Variants in FRMPD4 observed in about 807,000 individuals in gnomAD.
FRMPD4 encodes the protein FERM and PDZ domain containing 4.
FRMPD4 carries 22 observed loss-of-function variants against 94.1 expected under a neutral mutation model. That is an observed-to-expected ratio of 0.23 (90% CI 0.17 to 0.33). The LOEUF is 0.33. FRMPD4 is among the 10% of genes least tolerant of loss of function. The pLI, the probability that FRMPD4 is intolerant of heterozygous loss-of-function variation, is 1.00. For synonymous variants in FRMPD4, 631 were observed against 548.6 expected (o/e 1.15, Z -2.10); for missense variants, 1,111 against 1,339.9 (o/e 0.83, Z 2.67).
intron 3 of FRMPD4, among the ~76,000 whole-genome samples, chrX:11,999,959 G>T (rs1479870471): frequency 1.8e-5 from 2 of 111,886 alleles, no homozygotes; most frequent in Non-Finnish European, 3.8e-5. Flanking sequence ...ACCATGAAAA[G>T]ATTTTCTGTG....
At chrX:11,832,526 G>A in intron 1 of FRMPD4, among the ~76,000 whole-genome samples, 1 of 111,427 alleles carries the variant, frequency 9.0e-6, no homozygotes. Flanking sequence ...AGAGTCAATG[G>A]TCTCTTGATA....
chrX:12,368,005 C>A (rs1260621670), intron 1 of FRMPD4, among the ~76,000 whole-genome samples: 1 of 111,983 alleles, frequency 8.9e-6, no homozygotes, highest in African/African-American at 3.2e-5. Context: ...TCCTGCATGA[C>A]CTTAGCATCT....
intron 3 of FRMPD4, among the ~76,000 whole-genome samples, chrX:11,903,395 A>G (rs1308782841): frequency 8.9e-6 from 1 of 112,638 alleles, no homozygotes; most frequent in African/African-American, 3.2e-5. Context: ...TACAGTTTTA[A>G]TTCCTTGAGC....
At chrX:12,226,590 G>A (rs944030380) in intron 1 of FRMPD4, among the ~76,000 whole-genome samples, 16 of 111,159 alleles carry the variant, frequency 1.4e-4, no homozygotes, top group Non-Finnish European at 2.3e-4. Context: ...CAGAAGACAC[G>A]ATACCTGTGT....
intron 1 of FRMPD4, among the ~76,000 whole-genome samples, chrX:12,490,360 G>A (rs1027399509): frequency 1.3e-4 from 14 of 110,565 alleles, no homozygotes; most frequent in Non-Finnish European, 2.1e-4. Flanking sequence ...GAACTTTGGG[G>A]GACACGCTCA....
intron 1 of FRMPD4, among the ~76,000 whole-genome samples, chrX:12,482,120 C>T (rs1035964604): frequency 9.1e-6 from 1 of 109,757 alleles, no homozygotes; most frequent in Admixed American, 9.8e-5. Context: ...GTCTTGCTGT[C>T]TCAGGGGTGG....
At chrX:12,640,634 T>C (rs1273706000) in intron 4 of FRMPD4, among the ~76,000 whole-genome samples, 3 of 112,220 alleles carry the variant, frequency 2.7e-5, no homozygotes, top group African/African-American at 9.7e-5. Flanking sequence ...CCTATTATGA[T>C]GGTTATTTCA....
At chrX:11,948,625 C>A (rs1601851604) in intron 3 of FRMPD4, among the ~76,000 whole-genome samples, 2 of 111,064 alleles carry the variant, frequency 1.8e-5, no homozygotes. Context: ...GGGGAAGGGC[C>A]TGACCTAGCA....
intron 1 of FRMPD4, among the ~76,000 whole-genome samples, chrX:12,307,076 G>A (rs749050738): frequency 8.9e-6 from 1 of 112,484 alleles, no homozygotes; most frequent in Non-Finnish European, 1.9e-5. Flanking sequence ...ATGGAGGACA[G>A]GGATGGGTGA....
intron 3 of FRMPD4, among the ~76,000 whole-genome samples, chrX:12,124,602 A>G (rs1265253368): frequency 1.8e-5 from 2 of 112,958 alleles, no homozygotes; most frequent in African/African-American, 3.2e-5. Flanking sequence ...ATGTATATGA[A>G]TCAAATCACA....
At chrX:11,902,121 T>C (rs190726073) in intron 3 of FRMPD4, among the ~76,000 whole-genome samples, 3 of 112,731 alleles carry the variant, frequency 2.7e-5, no homozygotes, top group African/African-American at 9.7e-5. Flanking sequence ...TATAGGTCAG[T>C]TTCAGGTCTG....
At chrX:12,372,200 A>G (rs1418367918) in intron 1 of FRMPD4, among the ~76,000 whole-genome samples, 2 of 112,420 alleles carry the variant, frequency 1.8e-5, no homozygotes, top group Non-Finnish European at 3.8e-5. Context: ...TCCTGTCTCT[A>G]TAGTCAATTT....
intron 14 of FRMPD4, among the ~76,000 whole-genome samples, chrX:12,714,895 A>C (rs2042051303): frequency 8.9e-6 from 1 of 112,483 alleles, no homozygotes; most frequent in Non-Finnish European, 1.9e-5. Context: ...TCAAAATTAT[A>C]TCTCTTATTG....
At position 12,683,535 on chromosome X, in the gene FRMPD4, A is replaced by C; in HGVS notation, c.521A>C (p.Asn174Thr). Reference protein sequence around the residue: ...SAAKKARLKSNPVKVRFSEEV... With the variant: ...SAAKKARLKSTPVKVRFSEEV... ...GCAAAAAAGGCAAGATTAAAGTCCAATCCTGTCAAAGTACGCTTCTCTGAG... is the reference window on the plus strand; with the variant it reads ...GCAAAAAAGGCAAGATTAAAGTCCACTCCTGTCAAAGTACGCTTCTCTGAG... Residue 174 changes from asparagine to threonine, a missense_variant, in exon 6 of 17, where the codon AAT (asparagine) becomes ACT (threonine). Physicochemically the swap from Asn to Thr is moderately conservative, Grantham distance 65. Coordinates refer to ENST00000675598, the MANE Select transcript of FRMPD4 (RefSeq NM_001368397.1). 1 of 1,191,702 alleles carries C rather than the reference A, an allele frequency of 8.4e-7. No homozygotes were observed. Among genetic ancestry groups the C allele is most frequent in the Non-Finnish European group, 1.1e-6 (1 of 877,878 alleles).
intron 3 of FRMPD4, among the ~76,000 whole-genome samples, chrX:12,106,335 A>G (rs923400137): frequency 1.1e-4 from 12 of 111,853 alleles, no homozygotes; most frequent in South Asian, 3.8e-4. Context: ...TAACTGCTCA[A>G]CTGCCAGATT....
chrX:12,233,352 T>A (rs2057033692), intron 1 of FRMPD4, among the ~76,000 whole-genome samples: 1 of 112,107 alleles, frequency 8.9e-6, no homozygotes, highest in Non-Finnish European at 1.9e-5. Flanking sequence ...ATTGGGGACA[T>A]ACTTATACTG....
rs749769680 is a variant in FRMPD4 at position 12,175,719 on chromosome X, G to A, written c.41+36707G>A. 4.5e-5 allele frequency among the ~76,000 whole-genome samples: 5 copies of A among 111,409 alleles called. No homozygotes were observed. In the East Asian group the frequency reaches 1.1e-3, roughly 25 times the overall value. On this transcript the variant is annotated intron_variant, in intron 1 of 16. Coordinates refer to ENST00000675598, the MANE Select transcript of FRMPD4 (RefSeq NM_001368397.1). ...AGTAAAGACGGGGTTTTGCCATGTC[G>A]ACCAGGCTGGTCTCAAACTCTTGAC...
chrX:12,019,925 A>T (rs1345248929), intron 3 of FRMPD4, among the ~76,000 whole-genome samples: 1 of 112,012 alleles, frequency 8.9e-6, no homozygotes, highest in East Asian at 2.8e-4. Flanking sequence ...AATTAGTTTA[A>T]TCCTCACGAC....
chrX:12,283,232 G>A (rs760972714), intron 1 of FRMPD4, among the ~76,000 whole-genome samples: 1 of 113,122 alleles, frequency 8.8e-6, no homozygotes, highest in Non-Finnish European at 1.9e-5. Context: ...CGAATGTTTA[G>A]GGTGAAGGCC....
Sources: allele counts gnomAD v4.1 joint callset (sites outside exome capture counted in the v4.1 genomes callset), GRCh38; gene constraint gnomAD v4.1.1; transcripts MANE v1.5; gene names NCBI Gene and HGNC (gene_info 2026-07-23, HGNC 2026-07-21).